HERC2: variants seen among roughly 807,000 people sequenced by gnomAD.
HERC2 encodes the protein HECT and RLD domain containing E3 ubiquitin protein ligase 2.
HERC2 carries 102 observed loss-of-function variants against 537.7 expected under a neutral mutation model. The observed-to-expected ratio is 0.19, with a 90% CI of 0.16 to 0.22. The LOEUF is 0.22. Ranked by LOEUF, HERC2 falls within the 10% of genes least tolerant of loss-of-function variation. The probability of loss-of-function intolerance (pLI) is 1.00; values close to 1 mark genes in which losing one functional copy is unlikely to be tolerated. For missense variants in HERC2, 4,236 were observed against 6,198.2 expected (o/e 0.68, Z 10.63); for synonymous variants, 2,224 against 2,466.2 (o/e 0.90, Z 2.91).
At position 28,229,811 on chromosome 15, in the gene HERC2, C is replaced by A; in HGVS notation, c.4846G>T (p.Val1616Phe). 1 of 1,417,264 alleles carries A rather than the reference C, an allele frequency of 7.1e-7. No homozygotes were observed. Among genetic ancestry groups the A allele is most frequent in the Non-Finnish European group, 1.0e-6 (1 of 1,002,636 alleles). The allele number at this position is 1,417,264 out of a possible 1,614,324, so 87.8% of individuals were successfully genotyped here. A position where few individuals can be genotyped will look rare whatever the true frequency, so the allele number is the denominator to read the frequency against. Residue 1616 changes from valine (V) to phenylalanine (F), a missense_variant, in exon 32 of 93, where the codon GTT (valine) becomes TTT (phenylalanine). By Grantham distance (50) the Val-to-Phe change is conservative (BLOSUM62 -1). This residue lies in a region of HERC2 where 343 missense variants were observed against 417.2 expected (regional missense o/e 0.82). Transcript: ENST00000261609. ...WQPLLSTVTG[V>F]HKYKWLKQNV... ...TGCTTCAACCACTTGTATTTGTGAA[C>A]ACCTGTAACAGTACTCAACAGCGGC...
chr15:28,176,314 T>G lies in HERC2; in HGVS notation c.9686+114A>C. On this transcript the variant is annotated intron_variant, in intron 63 of 92. Coordinates refer to ENST00000261609, the MANE Select transcript of HERC2 (RefSeq NM_004667.6). This position sits in a 1 kb window ranked among gnomAD's most constrained non-coding sequence, Gnocchi z 5.0. The stretch of plus-strand genomic sequence containing the variant: ...CCTTTAAAGGACAAAGATGCATGCA[T>G]AAGTAAAAAGAGGACACGTCACAAT... The G allele has an allele frequency of 1.2e-6, 1 of 849,054 alleles. No individual in the cohort carries two copies. The highest frequency in any genetic ancestry group is 1.9e-6 in the Non-Finnish European group (1 of 533,170). The allele number at this position is 849,054 out of a possible 1,614,324, so 52.6% of individuals were successfully genotyped here.
intron 4 of HERC2, among the ~76,000 whole-genome samples, chr15:28,285,936 T>C (rs116388574): frequency 1.3e-3 from 197 of 152,076 alleles, no homozygotes; most frequent in African/African-American, 4.4e-3. Context: ...CAAAATGGAC[T>C]TATTCCTCAA....
intron 23 of HERC2, 52 bp downstream of exon 23, chr15:28,245,829 T>C (rs1165967832): frequency 6.9e-7 from 1 of 1,448,168 alleles, no homozygotes. Flanking sequence ...AAGAATAGGT[T>C]AGACAAGGAC....
At chr15:28,162,835 G>C (rs1198933414) in intron 69 of HERC2, among the ~76,000 whole-genome samples, 1 of 152,234 alleles carries the variant, frequency 6.6e-6, no homozygotes, top group Admixed American at 6.5e-5. Context: ...AGCTTGCAGT[G>C]AGTCGAGATG....
At chr15:28,123,931 G>A in intron 85 of HERC2, 106 bp downstream of exon 85, 1 of 888,388 alleles carries the variant, frequency 1.1e-6, no homozygotes, top group African/African-American at 1.7e-5. Flanking sequence ...AACATTTGCT[G>A]AATGAGCTGT....
chr15:28,289,496 A>G (rs1293176935), intron 4 of HERC2, among the ~76,000 whole-genome samples: 2 of 152,220 alleles, frequency 1.3e-5, no homozygotes, highest in African/African-American at 2.4e-5. Flanking sequence ...CAGAAGAAAG[A>G]GGAACTAAGC....
At chr15:28,296,397 G>A (rs1247441430) in intron 3 of HERC2, among the ~76,000 whole-genome samples, 2 of 151,992 alleles carry the variant, frequency 1.3e-5, no homozygotes, top group Non-Finnish European at 1.5e-5. Context: ...TGCTTGAACC[G>A]GGGAGGCAGT....
chr15:28,212,200 C>G (rs565052062), intron 43 of HERC2, among the ~76,000 whole-genome samples: 1 of 152,128 alleles, frequency 6.6e-6, no homozygotes, highest in Non-Finnish European at 1.5e-5. Flanking sequence ...AAGGGTGACA[C>G]GGAGAAGAGG....
intron 84 of HERC2, among the ~76,000 whole-genome samples, chr15:28,124,516 T>C (rs1296612224): frequency 2.0e-5 from 3 of 152,182 alleles, no homozygotes; most frequent in South Asian, 2.1e-4. Context: ...TTATAAGATA[T>C]AGAAGGTGAT....
chr15:28,133,735 T>G (rs1185725906), intron 79 of HERC2, among the ~76,000 whole-genome samples: 1 of 152,240 alleles, frequency 6.6e-6, no homozygotes, highest in Non-Finnish European at 1.5e-5. Context: ...TGCACTCGTA[T>G]AAACTGTGCA....
chr15:28,114,601 T>C lies in HERC2; in HGVS notation c.13913+11A>G, dbSNP rs1481830949. ...TTTATGTCAATGCAACAGAGACGGA[T>C]GACCACCAACCTATAGTTTATCGCC... is the stretch of plus-strand genomic sequence containing the variant. On this transcript the variant is annotated intron_variant, in intron 90 of 92. Transcript: ENST00000261609. 4 of 1,610,300 alleles carry C rather than the reference T, an allele frequency of 2.5e-6. No individual in the cohort carries two copies. The highest frequency in any genetic ancestry group is 3.4e-6 in the Non-Finnish European group (4 of 1,177,398).
intron 69 of HERC2, among the ~76,000 whole-genome samples, chr15:28,153,229 T>G (rs1405319013): frequency 6.6e-6 from 1 of 152,190 alleles, no homozygotes; most frequent in African/African-American, 2.4e-5. Flanking sequence ...GGTGCATGCC[T>G]GTAATCCTAG....
At chr15:28,247,750 T>C (rs1374342246) in intron 21 of HERC2, among the ~76,000 whole-genome samples, 1 of 152,152 alleles carries the variant, frequency 6.6e-6, no homozygotes, top group Non-Finnish European at 1.5e-5. Flanking sequence ...CTTAATAGCT[T>C]TTCAGTCCTT....
In HERC2 at chr15:28,142,771, T is replaced by A. The variant is rs992394246; in HGVS notation, c.11544+56A>T. ...ACACACTGCACATGACAACTCTCAG[T>A]GGCTCTTTCAGTCAAATAGCTCTAT... is the stretch of plus-strand genomic sequence containing the variant. On this transcript the variant is annotated intron_variant, in intron 75 of 92. Transcript: ENST00000261609. The A allele has an allele frequency of 4.6e-6, 7 of 1,522,154 alleles. No homozygotes were observed. In the Admixed American group the frequency reaches 1.1e-4, roughly 24 times the overall value. 94.3% of individuals were successfully genotyped at this position (1,522,154 alleles called of 1,614,324 possible).
chr15:28,155,902 C>G (rs141284841), intron 69 of HERC2, among the ~76,000 whole-genome samples: 3 of 152,144 alleles, frequency 2.0e-5, no homozygotes, highest in African/African-American at 7.2e-5. Flanking sequence ...TTAGGTCTAA[C>G]ATTTAAGTCT....
chr15:28,157,012 G>C (rs1265235746), intron 69 of HERC2, among the ~76,000 whole-genome samples: 2 of 152,154 alleles, frequency 1.3e-5, no homozygotes, highest in Non-Finnish European at 2.9e-5. Context: ...TAATCATGTG[G>C]TTTTTGACTT....
chr15:28,220,814 G>A (rs1900450109), intron 36 of HERC2, among the ~76,000 whole-genome samples, 170 bp from the exon 37 acceptor site: 1 of 147,972 alleles, frequency 6.8e-6, no homozygotes, highest in Non-Finnish European at 1.5e-5. Context: ...TCCTTCCATA[G>A]CTCCCACCAG....
In HERC2 at chr15:28,314,596, AC is replaced by A. The variant is rs555348720; in HGVS notation, c.72+6765del. 1.5e-3 allele frequency among the ~76,000 whole-genome samples: 233 copies of A among 152,190 alleles called. 3 individuals are homozygous for A. Among genetic ancestry groups the A allele is most frequent in the African/African-American group, 5.3e-3 (218 of 41,488 alleles). Reference sequence around the variant, plus strand: ...ATGTCAGCCAAGCACGGTGGCTCACACCTGTCATCTCAGACTTTGGGAGGCC... The same window carrying A: ...ATGTCAGCCAAGCACGGTGGCTCACACTGTCATCTCAGACTTTGGGAGGCC... On this transcript the variant is annotated intron_variant, in intron 2 of 92. Transcript: ENST00000261609.
intron 81 of HERC2, 94 bp downstream of exon 81, chr15:28,132,006 T>G: frequency 9.1e-7 from 1 of 1,094,832 alleles, no homozygotes; most frequent in South Asian, 1.7e-5. Flanking sequence ...GGGACAGTAA[T>G]GGTGGCTCTG....
Sources: allele counts gnomAD v4.1 joint callset (sites outside exome capture counted in the v4.1 genomes callset), GRCh38; gene constraint gnomAD v4.1.1; regional missense constraint gnomAD v4.1.1; non-coding constraint Gnocchi (gnomAD v3.1); transcripts MANE v1.5; gene names NCBI Gene and HGNC (gene_info 2026-07-23, HGNC 2026-07-21).